Variants in DCC observed in about 807,000 individuals in gnomAD.
DCC encodes the protein netrin receptor DCC.
Under a neutral mutation model 172.5 loss-of-function variants are expected in DCC, and 58 were observed. That is an observed-to-expected ratio of 0.34 (90% CI 0.27 to 0.42). DCC has a LOEUF of 0.42. Among genes scored for constraint, DCC ranks in the 10% least tolerant of loss-of-function variants. DCC has a pLI of 1.00. For missense variants in DCC, 1,740 were observed against 1,791.0 expected, an observed-to-expected ratio of 0.97 and a Z score of 0.51; for synonymous variants, 709 against 644.5, an observed-to-expected ratio of 1.10 and a Z score of -1.52.
intron 1 of DCC, among the ~76,000 whole-genome samples, chr18:52,535,333 ACC>A (rs1215411657): frequency 6.6e-6 from 1 of 152,176 alleles, no homozygotes; most frequent in Non-Finnish European, 1.5e-5. Context: ...CTTGGATTTC[ACC>A]CTTTTGGGAA....
intron 1 of DCC, among the ~76,000 whole-genome samples, chr18:52,415,597 TGA>T (rs1986993735): frequency 6.6e-6 from 1 of 152,098 alleles, no homozygotes; most frequent in Admixed American, 6.5e-5. Flanking sequence ...TGCATAAGGC[TGA>T]GAGAGCACAG....
intron 8 of DCC, among the ~76,000 whole-genome samples, chr18:53,161,411 C>G (rs1026409195): frequency 6.6e-6 from 1 of 152,138 alleles, no homozygotes; most frequent in African/African-American, 2.4e-5. Context: ...TTTTCAGGCT[C>G]TTTTTACTTT....
At chr18:52,965,797 GT>G (rs1176655060) in intron 5 of DCC, among the ~76,000 whole-genome samples, 2 of 152,054 alleles carry the variant, frequency 1.3e-5, no homozygotes, top group African/African-American at 4.8e-5. Flanking sequence ...CCCAAACCTG[GT>G]ACACAGGTTT....
At chr18:53,078,478 G>A (rs575008571) in intron 7 of DCC, among the ~76,000 whole-genome samples, 3 of 152,138 alleles carry the variant, frequency 2.0e-5, no homozygotes, top group South Asian at 2.1e-4. Context: ...CCTATCTTAC[G>A]AGGATGGTAG....
At chr18:53,194,334 G>A (rs2055411627) in intron 9 of DCC, among the ~76,000 whole-genome samples, 1 of 152,034 alleles carries the variant, frequency 6.6e-6, no homozygotes, top group South Asian at 2.1e-4. Context: ...AACTCGATGT[G>A]GATTATTTAT....
At chr18:52,778,327 G>A (rs1268219540) in intron 2 of DCC, among the ~76,000 whole-genome samples, 1 of 152,130 alleles carries the variant, frequency 6.6e-6, no homozygotes, top group African/African-American at 2.4e-5. Context: ...CCTTGGGAAT[G>A]TCTTTTAATG....
chr18:52,538,081 G>A (rs1489194066), intron 1 of DCC, among the ~76,000 whole-genome samples: 1 of 152,114 alleles, frequency 6.6e-6, no homozygotes, highest in Non-Finnish European at 1.5e-5. Context: ...ATTCCAGCAT[G>A]TAAACAACTG....
chr18:53,126,916 C>T (rs2043565166), intron 7 of DCC, among the ~76,000 whole-genome samples: 1 of 151,984 alleles, frequency 6.6e-6, no homozygotes, highest in Non-Finnish European at 1.5e-5. Context: ...TATCACACAC[C>T]CAGTACTTTT....
chr18:52,417,913 G>T (rs1016456485), intron 1 of DCC, among the ~76,000 whole-genome samples: 2 of 152,222 alleles, frequency 1.3e-5, no homozygotes, highest in Non-Finnish European at 2.9e-5. Flanking sequence ...CGTTGCTGGT[G>T]AGGAACTGCG....
chr18:52,442,400 A>G (rs1987996698), intron 1 of DCC, among the ~76,000 whole-genome samples: 1 of 152,210 alleles, frequency 6.6e-6, no homozygotes, highest in African/African-American at 2.4e-5. Context: ...ATGTCCTTTG[A>G]TCATGATTAA....
chr18:53,511,516 G>C (rs555014856), intron 27 of DCC, among the ~76,000 whole-genome samples: 1 of 152,356 alleles, frequency 6.6e-6, no homozygotes, highest in South Asian at 2.1e-4. Context: ...AGACGCAGAA[G>C]ACGGGTGATT....
At chr18:53,290,641 TA>T (rs556889656) in intron 12 of DCC, among the ~76,000 whole-genome samples, 92 of 148,108 alleles carry the variant, frequency 6.2e-4, no homozygotes, top group African/African-American at 1.7e-3. Flanking sequence ...TGTGGTTTCA[TA>T]AAAAAAAAAC....
intron 1 of DCC, among the ~76,000 whole-genome samples, chr18:52,381,630 A>G (rs1598877845): frequency 6.6e-6 from 1 of 152,080 alleles, no homozygotes; most frequent in East Asian, 1.9e-4. Flanking sequence ...CCCACCACTG[A>G]GGGGGCTCCA....
chr18:53,050,831 A>G (rs1172669003), intron 5 of DCC, among the ~76,000 whole-genome samples: 3 of 152,100 alleles, frequency 2.0e-5, no homozygotes, highest in Admixed American at 6.6e-5. Flanking sequence ...AATGGCTTGG[A>G]AATTTTTTAA....
At chr18:52,879,412 C>CTTTTTTTTT (rs71175533) in intron 2 of DCC, among the ~76,000 whole-genome samples, 2,089 of 62,094 alleles carry the variant, frequency 0.034, 481 homozygotes, top group Non-Finnish European at 0.048. Context: ...TGTTGTTTGG[C>CTTTTTTTTT]TTTTTTTTTT....
chr18:52,733,046 C>A (rs1334849692), intron 1 of DCC, among the ~76,000 whole-genome samples: 7 of 152,110 alleles, frequency 4.6e-5, no homozygotes, highest in Non-Finnish European at 1.0e-4. Context: ...CCATGCTTAA[C>A]TGTAGGTTGC....
intron 1 of DCC, among the ~76,000 whole-genome samples, chr18:52,425,029 C>T (rs982580648): frequency 2.6e-5 from 4 of 152,020 alleles, no homozygotes; most frequent in African/African-American, 9.6e-5. Context: ...GTATACATTG[C>T]CTGAATAATG....
At chr18:53,528,172 A>G (rs147362805) in intron 28 of DCC, among the ~76,000 whole-genome samples, 76 of 152,268 alleles carry the variant, frequency 5.0e-4, no homozygotes, top group African/African-American at 1.8e-3. Flanking sequence ...AAAACAAAGA[A>G]TCATTTCATT....
intron 2 of DCC, among the ~76,000 whole-genome samples, chr18:52,801,941 G>A (rs1342743199): frequency 6.6e-6 from 1 of 151,876 alleles, no homozygotes; most frequent in African/African-American, 2.4e-5. Context: ...AGTTAAGCCA[G>A]ATGTGTCTAT....
Sources: gnomAD v4.1 joint callset for allele counts (sites outside exome capture counted in the v4.1 genomes callset) on GRCh38, gnomAD v4.1.1 for gene constraint, MANE v1.5 for transcripts, NCBI Gene and HGNC (gene_info 2026-07-23, HGNC 2026-07-21) for gene names.